DCC: variants seen among roughly 807,000 people sequenced by gnomAD.
DCC encodes DCC netrin 1 receptor.
DCC carries 58 observed loss-of-function variants against 172.5 expected under a neutral mutation model. The ratio of observed to expected loss-of-function variants is 0.34; its 90% confidence interval spans 0.27 to 0.42. The LOEUF is 0.42. DCC is among the 10% of genes least tolerant of loss of function. DCC has a pLI of 1.00. For synonymous variants in DCC, 709 were observed against 644.5 expected, an observed-to-expected ratio of 1.10 and a Z score of -1.52; for missense variants, 1,740 against 1,791.0, an observed-to-expected ratio of 0.97 and a Z score of 0.51.
intron 3 of DCC, among the ~76,000 whole-genome samples, chr18:52,914,010 A>G (rs2040005799): frequency 6.6e-6 from 1 of 152,230 alleles, no homozygotes; most frequent in African/African-American, 2.4e-5. Context: ...AATGGGAAAT[A>G]GTCCAAATGC....
At chr18:52,887,185 T>G (rs890792160) in intron 2 of DCC, among the ~76,000 whole-genome samples, 1 of 152,332 alleles carries the variant, frequency 6.6e-6, no homozygotes, top group Admixed American at 6.5e-5. Context: ...AATTAAGACC[T>G]TGTAGATTCT....
chr18:53,360,585 C>G (rs1033816820), intron 15 of DCC, among the ~76,000 whole-genome samples: 1 of 152,002 alleles, frequency 6.6e-6, no homozygotes, highest in African/African-American at 2.4e-5. Context: ...TGCTATAAAT[C>G]ATTTAAAAAA....
chr18:53,114,774 G>T (rs1568313180), intron 7 of DCC, among the ~76,000 whole-genome samples: 2 of 151,492 alleles, frequency 1.3e-5, no homozygotes, highest in African/African-American at 4.8e-5. Flanking sequence ...GATTTCTGTG[G>T]GCCCTGGCTC....
intron 5 of DCC, among the ~76,000 whole-genome samples, chr18:53,048,489 TTGTGTGTGTGTG>T (rs71175550): frequency 0.022 from 3,003 of 139,396 alleles, 126 homozygotes; most frequent in African/African-American, 0.075. Flanking sequence ...ACTCCATGGT[TTGTGTGTGTGTG>T]TGTGTGTGTG....
intron 12 of DCC, among the ~76,000 whole-genome samples, chr18:53,257,837 G>C (rs2056541603): frequency 6.6e-6 from 1 of 152,134 alleles, no homozygotes; most frequent in Admixed American, 6.5e-5. Flanking sequence ...AATCCATCTG[G>C]TCCTGGACTT....
chr18:52,697,161 T>A lies in DCC; in HGVS notation c.92-54893T>A, dbSNP rs145199264. On this transcript the variant is annotated intron_variant, in intron 1 of 28. Transcript: ENST00000442544. ...GTTGGAATATTTCCACTTAGAAATA[T>A]TTAAAGTATTCTTTTAAGATCCTCC... 8.5e-3 allele frequency among the ~76,000 whole-genome samples: 1,302 copies of A among 152,322 alleles called. 20 individuals are homozygous for A. Among genetic ancestry groups the A allele is most frequent in the Non-Finnish European group, 0.011 (723 of 68,030 alleles).
chr18:52,767,783 T>C lies in DCC; in HGVS notation c.412+15409T>C, dbSNP rs550897830. Among the ~76,000 whole-genome samples the C allele has an allele frequency of 4.4e-4, 67 of 152,356 alleles. No homozygotes were observed. The East Asian group carries it at 7.1e-3, about 16-fold the overall frequency. ...CTAGGAAATATTTTAATAATCAGCATTATTTATGTTGCCTGTGTAGTTATG... is the reference window on the plus strand; with the variant it reads ...CTAGGAAATATTTTAATAATCAGCACTATTTATGTTGCCTGTGTAGTTATG... On this transcript the variant is annotated intron_variant, in intron 2 of 28. Coordinates refer to ENST00000442544, the MANE Select transcript of DCC (RefSeq NM_005215.4).
intron 2 of DCC, among the ~76,000 whole-genome samples, chr18:52,800,729 C>T (rs372519565): frequency 2.0e-5 from 3 of 152,250 alleles, no homozygotes; most frequent in South Asian, 2.1e-4. Context: ...ACAATTGGTT[C>T]CTGAGAGGCT....
chr18:52,647,129 A>G (rs2035033722), intron 1 of DCC, among the ~76,000 whole-genome samples: 1 of 152,154 alleles, frequency 6.6e-6, no homozygotes, highest in Non-Finnish European at 1.5e-5. Flanking sequence ...CAATAGTAGA[A>G]ACTCTCAGTA....
chr18:52,739,573 T>TAGA (rs2036783949), intron 1 of DCC, among the ~76,000 whole-genome samples: 1 of 152,186 alleles, frequency 6.6e-6, no homozygotes, highest in Admixed American at 6.5e-5. Context: ...CTGTCACTGC[T>TAGA]ATTCAGTGAA....
chr18:53,292,766 A>C (rs2057021467), intron 12 of DCC, among the ~76,000 whole-genome samples: 1 of 152,132 alleles, frequency 6.6e-6, no homozygotes, highest in Admixed American at 6.5e-5. Context: ...GAAGCAAAAG[A>C]ACATTTCTCA....
chr18:52,469,836 C>A (rs1988895898), intron 1 of DCC, among the ~76,000 whole-genome samples: 1 of 152,202 alleles, frequency 6.6e-6, no homozygotes, highest in Non-Finnish European at 1.5e-5. Flanking sequence ...AGTCCTCTAG[C>A]AAATCCCCTG....
intron 2 of DCC, among the ~76,000 whole-genome samples, chr18:52,900,631 T>C (rs2039796315): frequency 6.6e-6 from 1 of 152,254 alleles, no homozygotes. Context: ...TGTCTGACTT[T>C]TCCATATGTA....
intron 1 of DCC, among the ~76,000 whole-genome samples, chr18:52,409,772 A>G (rs760469906): frequency 1.3e-5 from 2 of 152,184 alleles, no homozygotes; most frequent in Non-Finnish European, 2.9e-5. Context: ...AAAGGTGAAT[A>G]ATTATTAATG....
intron 27 of DCC, among the ~76,000 whole-genome samples, chr18:53,518,624 T>C (rs887011839): frequency 7.9e-5 from 12 of 152,130 alleles, no homozygotes; most frequent in African/African-American, 1.9e-4. Context: ...CCATTTTTAT[T>C]TTTTCCTCTT....
At chr18:53,196,954 A>G (rs61480191) in intron 9 of DCC, among the ~76,000 whole-genome samples, 16,882 of 152,098 alleles carry the variant, frequency 0.11, 1,354 homozygotes, top group African/African-American at 0.22. Flanking sequence ...GAGAGGTTTC[A>G]TTATGTTAAT....
At chr18:52,919,082 G>T (rs1943120) in intron 3 of DCC, among the ~76,000 whole-genome samples, 59,647 of 152,028 alleles carry the variant, frequency 0.39, 12,315 homozygotes, top group Non-Finnish European at 0.47. Flanking sequence ...AGCTAGTGCT[G>T]GCTGTTGACT....
At chr18:53,189,470 A>G (rs903807528) in intron 9 of DCC, among the ~76,000 whole-genome samples, 2 of 151,738 alleles carry the variant, frequency 1.3e-5, no homozygotes, top group Non-Finnish European at 2.9e-5. Context: ...TTGTATATGT[A>G]CATATAGCAT....
chr18:53,296,714 A>G (rs562814637), intron 12 of DCC, among the ~76,000 whole-genome samples: 1 of 152,324 alleles, frequency 6.6e-6, no homozygotes, highest in Admixed American at 6.5e-5. Flanking sequence ...GCACACTTTA[A>G]TGAAAACCCT....
Sources: gnomAD v4.1 joint callset for allele counts (sites outside exome capture counted in the v4.1 genomes callset) on GRCh38, gnomAD v4.1.1 for gene constraint, MANE v1.5 for transcripts, NCBI Gene and HGNC (gene_info 2026-07-23, HGNC 2026-07-21) for gene names.